VCF1: variants seen among roughly 807,000 people sequenced by gnomAD.
VCF1 encodes the protein protein VCF1.
At chr17:73,229,141 C>T in the VCF1 span, 5 of 985,250 alleles carry the variant, frequency 5.1e-6, no homozygotes, top group East Asian at 1.1e-4. Context: ...ATCCCTGCCT[C>T]ATAAATTACT....
chr17:73,222,082 C>T, the VCF1 span, among the ~76,000 whole-genome samples: 2 of 149,396 alleles, frequency 1.3e-5, no homozygotes, highest in Non-Finnish European at 3.0e-5. Flanking sequence ...TGGCGCACAC[C>T]TGTAGTTTGG....
chr17:73,208,104 T>C, the VCF1 span: 4 of 1,449,150 alleles, frequency 2.8e-6, no homozygotes, highest in Non-Finnish European at 3.6e-6. Flanking sequence ...ACAGTCCTCA[T>C]TTCCAAATTC....
chr17:73,208,301 C>T, the VCF1 span: 7,194 of 1,613,064 alleles, frequency 4.5e-3, 31 homozygotes, highest in Admixed American at 0.013. Context: ...CTTTTCTCTA[C>T]ATCCAATGGC....
the VCF1 span, chr17:73,232,164 G>C: frequency 1.2e-4 from 195 of 1,610,226 alleles, no homozygotes; most frequent in Middle Eastern, 1.5e-3. Flanking sequence ...GGGAACAGAG[G>C]GGGTTGTGTT....
chr17:73,227,220 G>T, the VCF1 span: 7 of 1,585,652 alleles, frequency 4.4e-6, no homozygotes, highest in Admixed American at 1.8e-5. Flanking sequence ...TTTGGTCTGG[G>T]GGGGAAGATG....
chr17:73,209,355 A>AG, the VCF1 span: 3 of 848,236 alleles, frequency 3.5e-6, no homozygotes, highest in African/African-American at 3.4e-5. Context: ...AAATTGCAAT[A>AG]GTGCAGCAAA....
At chr17:73,211,570 A>AAAC in the VCF1 span, among the ~76,000 whole-genome samples, 2 of 149,828 alleles carry the variant, frequency 1.3e-5, no homozygotes, top group African/African-American at 4.9e-5. Flanking sequence ...TTCATCTCAA[A>AAAC]AAAAAAAAAG....
the VCF1 span, among the ~76,000 whole-genome samples, chr17:73,219,715 A>ATAATCCTAG: frequency 1.3e-5 from 2 of 151,950 alleles, no homozygotes; most frequent in Non-Finnish European, 2.9e-5. Flanking sequence ...GCTCATGCCT[A>ATAATCCTAG]TAATCCTAGC....
chr17:73,221,144 G>A, the VCF1 span, among the ~76,000 whole-genome samples: 2 of 150,416 alleles, frequency 1.3e-5, no homozygotes, highest in Non-Finnish European at 2.9e-5. Context: ...TGATCTGCCC[G>A]CCTTGGCCTC....
the VCF1 span, among the ~76,000 whole-genome samples, chr17:73,219,739 G>A: frequency 0.055 from 8,299 of 152,106 alleles, 259 homozygotes; most frequent in Middle Eastern, 0.085. Flanking sequence ...TTGGAAGGCC[G>A]AGGCAGGTGG....
At chr17:73,213,429 A>G in the VCF1 span, among the ~76,000 whole-genome samples, 1 of 152,172 alleles carries the variant, frequency 6.6e-6, no homozygotes, top group Non-Finnish European at 1.5e-5. Context: ...AGTCTTTGGC[A>G]TCATTTTTTA....
At chr17:73,222,417 T>C in the VCF1 span, among the ~76,000 whole-genome samples, 38 of 151,882 alleles carry the variant, frequency 2.5e-4, no homozygotes, top group Non-Finnish European at 4.4e-4. Flanking sequence ...TATCATGCCA[T>C]GTACTTGGAA....
chr17:73,227,021 T>C, the VCF1 span: 2 of 576,198 alleles, frequency 3.5e-6, no homozygotes, highest in Non-Finnish European at 2.9e-6. Context: ...AAAGGGACCC[T>C]GATTTGGAAA....
the VCF1 span, among the ~76,000 whole-genome samples, chr17:73,225,900 T>TATA: frequency 0.073 from 5,644 of 77,566 alleles, 170 homozygotes; most frequent in African/African-American, 0.091. Context: ...TATATATATA[T>TATA]TTTTTTTTTT....
the VCF1 span, among the ~76,000 whole-genome samples, chr17:73,219,017 C>T: frequency 6.6e-6 from 1 of 150,668 alleles, no homozygotes; most frequent in African/African-American, 2.4e-5. Context: ...GAGACTCCGT[C>T]TCAAAAAAAA....
chr17:73,216,119 G>C, the VCF1 span, among the ~76,000 whole-genome samples: 1 of 152,112 alleles, frequency 6.6e-6, no homozygotes, highest in Admixed American at 6.5e-5. Flanking sequence ...GGAATCTGTG[G>C]GAGATGAATG....
chr17:73,207,399 A>C, the VCF1 span: 5 of 830,724 alleles, frequency 6.0e-6, no homozygotes, highest in Non-Finnish European at 8.0e-6. Context: ...GGCGCAATAG[A>C]GAAGTACAAG....
the VCF1 span, among the ~76,000 whole-genome samples, chr17:73,230,450 G>C: frequency 6.6e-6 from 1 of 151,678 alleles, no homozygotes; most frequent in South Asian, 2.1e-4. Flanking sequence ...GCTCAGGCTT[G>C]AGTGCAGTGA....
At chr17:73,224,702 C>G in the VCF1 span, among the ~76,000 whole-genome samples, 1 of 152,188 alleles carries the variant, frequency 6.6e-6, no homozygotes, top group Non-Finnish European at 1.5e-5. Flanking sequence ...GTGAAAACTT[C>G]ATTATTTGGG....
Sources: allele counts gnomAD v4.1 joint callset (sites outside exome capture counted in the v4.1 genomes callset), GRCh38; gene constraint gnomAD v4.1.1; transcripts MANE v1.5; gene names NCBI Gene and HGNC (gene_info 2026-07-23, HGNC 2026-07-21).